The following KSR1 variants were observed in gnomAD, a reference collection of about 807,000 sequenced individuals.
KSR1 encodes the protein kinase suppressor of ras 1.
KSR1 carries 35 observed loss-of-function variants against 92.9 expected under a neutral mutation model. The observed-to-expected ratio is 0.38, with a 90% CI of 0.29 to 0.50. The LOEUF (loss-of-function observed/expected upper bound fraction) is 0.50. Ranked by LOEUF, KSR1 falls within the 20% of genes least tolerant of loss-of-function variation. KSR1 has a pLI of 0.94. For synonymous variants in KSR1, 467 were observed against 472.6 expected (o/e 0.99, Z 0.15); for missense variants, 972 against 1,158.5 (o/e 0.84, Z 2.34).
intron 1 of KSR1, among the ~76,000 whole-genome samples, chr17:27,500,444 T>C (rs2069137214): frequency 6.6e-6 from 1 of 152,100 alleles, no homozygotes; most frequent in Non-Finnish European, 1.5e-5. Context: ...GAAGGCTCTA[T>C]GGAGGTGTGG....
At chr17:27,612,165 T>G (rs780403564) in intron 18 of KSR1, among the ~76,000 whole-genome samples, 21 of 152,204 alleles carry the variant, frequency 1.4e-4, no homozygotes, top group Non-Finnish European at 2.4e-4. Flanking sequence ...TGTTTGTAAG[T>G]TTTGTCAGGC....
intron 1 of KSR1, among the ~76,000 whole-genome samples, chr17:27,509,902 C>T (rs1036210762): frequency 6.6e-6 from 1 of 152,178 alleles, no homozygotes; most frequent in Non-Finnish European, 1.5e-5. Flanking sequence ...CCACGTTGGG[C>T]GAGCAGGGGC....
chr17:27,484,735 G>T (rs1441652431), intron 1 of KSR1, among the ~76,000 whole-genome samples: 1 of 152,212 alleles, frequency 6.6e-6, no homozygotes, highest in Non-Finnish European at 1.5e-5. Context: ...CTGCCTTGGG[G>T]CTAGGGGTCA....
chr17:27,530,717 GA>G (rs2070502070), intron 1 of KSR1, among the ~76,000 whole-genome samples: 1 of 152,188 alleles, frequency 6.6e-6, no homozygotes, highest in Admixed American at 6.5e-5. Context: ...AAAGTAGAAG[GA>G]AGAAAATAAT....
At chr17:27,518,268 TG>T (rs2151015300) in intron 1 of KSR1, among the ~76,000 whole-genome samples, 1 of 152,300 alleles carries the variant, frequency 6.6e-6, no homozygotes, top group African/African-American at 2.4e-5. Flanking sequence ...ACAGCTTGGA[TG>T]GATTAGCTTA....
In KSR1 at chr17:27,526,376, C is replaced by T. The variant is rs542705819; in HGVS notation, c.232-24192C>T. 1.9e-5 allele frequency: 27 copies of T among 1,458,154 alleles called. No homozygotes were observed. The African/African-American group carries it at 3.8e-4, about 21-fold the overall frequency. The allele number at this position is 1,458,154 out of a possible 1,614,324, so 90.3% of individuals were successfully genotyped here. A position where few individuals can be genotyped will look rare whatever the true frequency, so the allele number is the denominator to read the frequency against. Reference sequence around the variant, plus strand: ...ACACAATTAATTACAAGAGAGCCACCCCCAAAGTCTTAGGGTGAATTGGGA... The same window carrying T: ...ACACAATTAATTACAAGAGAGCCACTCCCAAAGTCTTAGGGTGAATTGGGA... On this transcript the variant is annotated intron_variant, in intron 1 of 20. Coordinates refer to ENST00000644974, the MANE Select transcript of KSR1 (RefSeq NM_001394583.1).
In KSR1 at chr17:27,582,587, T is replaced by A; in HGVS notation, c.521-59T>A. 4.0e-6 allele frequency: 6 copies of A among 1,483,418 alleles called. No homozygotes were observed. In the South Asian group the frequency reaches 6.3e-5, roughly 16 times the overall value. 91.9% of individuals were successfully genotyped at this position (1,483,418 alleles called of 1,614,324 possible). A position where few individuals can be genotyped will look rare whatever the true frequency, so the allele number is the denominator to read the frequency against. ...GTTGAACATCTCTGGCCCCTAGCCA[T>A]CTCCCCTGTGAATTCCTTCCAGCCC... On this transcript the variant is annotated intron_variant, in intron 3 of 20. Coordinates refer to ENST00000644974, the MANE Select transcript of KSR1 (RefSeq NM_001394583.1).
At chr17:27,458,734 T>C (rs1329080797) in intron 1 of KSR1, among the ~76,000 whole-genome samples, 2 of 152,160 alleles carry the variant, frequency 1.3e-5, no homozygotes, top group East Asian at 3.9e-4. Context: ...GGATTCGGGT[T>C]CACTCCACTT....
intron 1 of KSR1, among the ~76,000 whole-genome samples, chr17:27,503,079 T>A (rs1164257207): frequency 6.6e-6 from 1 of 152,320 alleles, no homozygotes; most frequent in South Asian, 2.1e-4. Context: ...ATTCTTATAT[T>A]GCAGATGAGA....
chr17:27,557,166 T>G (rs1159367305), intron 2 of KSR1, among the ~76,000 whole-genome samples: 1 of 152,062 alleles, frequency 6.6e-6, no homozygotes, highest in African/African-American at 2.4e-5. Context: ...GGGCAGCTGG[T>G]CTGGTTTGGA....
chr17:27,568,909 A>G (rs916110527), intron 2 of KSR1, among the ~76,000 whole-genome samples: 8 of 152,178 alleles, frequency 5.3e-5, no homozygotes, highest in African/African-American at 1.2e-4. Context: ...GCCCCTGCAC[A>G]TAGCCCTATT....
chr17:27,545,117 T>C (rs1342381000), intron 1 of KSR1, among the ~76,000 whole-genome samples: 9 of 152,172 alleles, frequency 5.9e-5, no homozygotes, highest in South Asian at 2.1e-4. Flanking sequence ...GGTTTATGGG[T>C]TATCTGGGTG....
At chr17:27,470,185 A>G (rs573337444) in intron 1 of KSR1, among the ~76,000 whole-genome samples, 1 of 149,280 alleles carries the variant, frequency 6.7e-6, no homozygotes, top group East Asian at 2.0e-4. Context: ...CCTCCTGAGT[A>G]GCTGGGATTA....
chr17:27,482,925 TG>T (rs2150946440), intron 1 of KSR1, among the ~76,000 whole-genome samples: 1 of 150,734 alleles, frequency 6.6e-6, no homozygotes, highest in African/African-American at 2.4e-5. Flanking sequence ...TGTCTCGTGT[TG>T]GGGGGAAAAT....
chr17:27,518,871 C>G (rs1311886971), intron 1 of KSR1, among the ~76,000 whole-genome samples: 1 of 152,164 alleles, frequency 6.6e-6, no homozygotes, highest in Non-Finnish European at 1.5e-5. Flanking sequence ...CTCCAGGGAA[C>G]TGGCATTTGT....
chr17:27,529,265 T>TA (rs1397736182), intron 1 of KSR1, among the ~76,000 whole-genome samples: 2 of 152,188 alleles, frequency 1.3e-5, no homozygotes, highest in Non-Finnish European at 2.9e-5. Context: ...TATGATTAAG[T>TA]ACACTGTTAA....
intron 13 of KSR1, 93 bp from the exon 14 acceptor site, chr17:27,605,340 TC>T (rs1283077899): frequency 1.9e-5 from 28 of 1,482,280 alleles, no homozygotes; most frequent in Non-Finnish European, 2.2e-5. Flanking sequence ...GATGCCTCTC[TC>T]CCCTGTTACC....
chr17:27,594,178 T>C (rs2073261332), intron 9 of KSR1, among the ~76,000 whole-genome samples: 1 of 152,204 alleles, frequency 6.6e-6, no homozygotes, highest in African/African-American at 2.4e-5. Context: ...CACTTTCTGC[T>C]TTGTAAATTG....
rs758225884 is a variant in KSR1, at chr17:27,621,892, G to A, written c.2708+619G>A. The A allele has an allele frequency of 4.3e-6, 7 of 1,612,574 alleles. No individual in the cohort carries two copies. The South Asian group carries it at 6.6e-5, about 15-fold the overall frequency. ...GGCTCTGCATTGGGGCTATGATTCTGATGCTGTTCTTTGCTTTCTTCTCTT... is the reference window on the plus strand; with the variant it reads ...GGCTCTGCATTGGGGCTATGATTCTAATGCTGTTCTTTGCTTTCTTCTCTT... On this transcript the variant is annotated intron_variant, in intron 20 of 20. Coordinates refer to ENST00000644974, the MANE Select transcript of KSR1 (RefSeq NM_001394583.1).
Sources: allele counts gnomAD v4.1 joint callset (sites outside exome capture counted in the v4.1 genomes callset), GRCh38; gene constraint gnomAD v4.1.1; transcripts MANE v1.5; gene names NCBI Gene and HGNC (gene_info 2026-07-23, HGNC 2026-07-21).